SLIT3: variants seen among roughly 807,000 people sequenced by gnomAD.
SLIT3 encodes slit homolog 3 protein.
Under a neutral mutation model 184.0 loss-of-function variants are expected in SLIT3, and 68 were observed. That is an observed-to-expected ratio of 0.37 (90% CI 0.30 to 0.45). SLIT3 has a LOEUF of 0.45. SLIT3 is among the 20% of genes least tolerant of loss of function. SLIT3 has a pLI of 1.00. For missense variants in SLIT3, 1,707 were observed against 2,026.0 expected, an observed-to-expected ratio of 0.84 and a Z score of 3.02; for synonymous variants, 831 against 828.6, an observed-to-expected ratio of 1.00 and a Z score of -0.05.
At chr5:168,864,471 A>G (rs907051303) in intron 5 of SLIT3, among the ~76,000 whole-genome samples, 4 of 152,184 alleles carry the variant, frequency 2.6e-5, no homozygotes, top group African/African-American at 9.7e-5. Flanking sequence ...ATCTCTGGGG[A>G]CTTAAATGAG....
At chr5:169,087,887 T>C (rs1286926419) in intron 4 of SLIT3, among the ~76,000 whole-genome samples, 1 of 152,218 alleles carries the variant, frequency 6.6e-6, no homozygotes. Context: ...AAATAAGTGT[T>C]AGTGAAAGGA....
At chr5:168,909,035 A>T (rs1268515357) in intron 4 of SLIT3, among the ~76,000 whole-genome samples, 2 of 152,164 alleles carry the variant, frequency 1.3e-5, no homozygotes, top group Non-Finnish European at 1.5e-5. Context: ...GGCTTCTTGC[A>T]TTTTCTCCAA....
chr5:168,723,081 T>TA, intron 21 of SLIT3, 77 bp from the exon 22 acceptor site: 1 of 981,488 alleles, frequency 1.0e-6, no homozygotes, highest in Non-Finnish European at 1.6e-6. Context: ...GTATCACACA[T>TA]ACCTGCCATC....
intron 20 of SLIT3, among the ~76,000 whole-genome samples, chr5:168,740,997 C>T (rs1763614741): frequency 6.6e-6 from 1 of 152,172 alleles, no homozygotes. Flanking sequence ...GCAGGAAGCT[C>T]ACTGCACGTG....
chr5:168,756,778 G>C (rs1319389644), intron 16 of SLIT3, among the ~76,000 whole-genome samples: 4 of 152,182 alleles, frequency 2.6e-5, no homozygotes, highest in Admixed American at 6.5e-5. Flanking sequence ...CCAGAGTTGA[G>C]CTTCTTTGTT....
At chr5:168,953,535 C>A (rs1333194285) in intron 4 of SLIT3, among the ~76,000 whole-genome samples, 1 of 152,234 alleles carries the variant, frequency 6.6e-6, no homozygotes, top group African/African-American at 2.4e-5. Flanking sequence ...ACAGCTGGTT[C>A]TCCTCCGTAA....
chr5:168,954,260 A>T (rs73802459), intron 4 of SLIT3, among the ~76,000 whole-genome samples: 5,760 of 152,248 alleles, frequency 0.038, 179 homozygotes, highest in African/African-American at 0.079. Flanking sequence ...GGGCTGGAGG[A>T]GGGGAGCACA....
chr5:168,762,746 G>A, intron 14 of SLIT3, 57 bp from the exon 15 acceptor site: 4 of 1,579,456 alleles, frequency 2.5e-6, no homozygotes, highest in Non-Finnish European at 3.5e-6. Flanking sequence ...CACAGCCCCA[G>A]GTTGTGGGTA....
intron 4 of SLIT3, among the ~76,000 whole-genome samples, chr5:169,039,488 T>C (rs1757376463): frequency 6.6e-6 from 1 of 152,010 alleles, no homozygotes; most frequent in Non-Finnish European, 1.5e-5. Flanking sequence ...GGCTAATTTT[T>C]TGTATTTTTT....
chr5:168,700,229 A>C (rs1464545394), intron 27 of SLIT3, among the ~76,000 whole-genome samples: 1 of 152,196 alleles, frequency 6.6e-6, no homozygotes, highest in Non-Finnish European at 1.5e-5. Flanking sequence ...TCCCTACCCA[A>C]ATCTCACCTT....
intron 3 of SLIT3, among the ~76,000 whole-genome samples, chr5:169,237,259 G>C (rs573878867): frequency 6.6e-6 from 1 of 151,736 alleles, no homozygotes; most frequent in African/African-American, 2.4e-5. Context: ...AAATTTGCAC[G>C]CATTATAGTT....
At position 168,904,135 on chromosome 5, in the gene SLIT3, G is replaced by A. The variant is rs543829747; in HGVS notation, c.414-20799C>T. Among the ~76,000 whole-genome samples, 11 of 152,142 alleles carry A rather than the reference G, an allele frequency of 7.2e-5. No homozygotes were observed. The South Asian group carries it at 1.7e-3, about 23-fold the overall frequency. On this transcript the variant is annotated intron_variant, in intron 4 of 35. Coordinates refer to ENST00000519560, the MANE Select transcript of SLIT3 (RefSeq NM_003062.4). ...CCAGCGCCCTCCTCATTCTCACTCC[G>A]CTCCCAGAAGCTTAGAGATGTGCTG... is the stretch of plus-strand genomic sequence containing the variant.
chr5:168,850,853 A>G (rs1561967600), intron 5 of SLIT3, among the ~76,000 whole-genome samples: 1 of 152,202 alleles, frequency 6.6e-6, no homozygotes, highest in East Asian at 1.9e-4. Flanking sequence ...AACAGCGATG[A>G]TGGATTAGCC....
rs1763552999 is a variant in SLIT3, at chr5:168,739,570, T to C, written c.2270+8732A>G. 3.3e-5 allele frequency among the ~76,000 whole-genome samples: 5 copies of C among 152,044 alleles called. No individual in the cohort carries two copies. The South Asian group carries it at 1.0e-3, about 32-fold the overall frequency. The stretch of plus-strand genomic sequence containing the variant: ...CCCAGCTTCAAGTGATTCTCCTGCC[T>C]CACCCTCCCAAGTAGCTGGGATTAC... On this transcript the variant is annotated intron_variant, in intron 20 of 35. Coordinates refer to ENST00000519560, the MANE Select transcript of SLIT3 (RefSeq NM_003062.4).
At chr5:169,097,962 C>T (rs1044740191) in intron 4 of SLIT3, among the ~76,000 whole-genome samples, 2 of 152,158 alleles carry the variant, frequency 1.3e-5, no homozygotes, top group Non-Finnish European at 2.9e-5. Context: ...GAAGCAGGGG[C>T]TATTCAAAAT....
chr5:169,004,039 T>C (rs1236414678), intron 4 of SLIT3, among the ~76,000 whole-genome samples: 2 of 152,168 alleles, frequency 1.3e-5, no homozygotes, highest in African/African-American at 4.8e-5. Flanking sequence ...AATTATTCCC[T>C]TCCTCTACTC....
chr5:169,131,818 C>A (rs1482233942), intron 4 of SLIT3, among the ~76,000 whole-genome samples: 6 of 152,216 alleles, frequency 3.9e-5, no homozygotes, highest in African/African-American at 1.4e-4. Flanking sequence ...CCTGTACTTC[C>A]CTTGCAGAAC....
intron 4 of SLIT3, among the ~76,000 whole-genome samples, chr5:169,150,591 C>A (rs1021309945): frequency 6.6e-6 from 1 of 151,886 alleles, no homozygotes; most frequent in Non-Finnish European, 1.5e-5. Context: ...AGTAATGGAG[C>A]AGTAATGTCT....
At position 169,189,713 on chromosome 5, in the gene SLIT3, T is replaced by G. The variant is rs575448872; in HGVS notation, c.413+3766A>C. 2.6e-5 allele frequency among the ~76,000 whole-genome samples: 4 copies of G among 151,990 alleles called. No individual in the cohort carries two copies. The South Asian group carries it at 8.3e-4, about 32-fold the overall frequency. On this transcript the variant is annotated intron_variant, in intron 4 of 35. Transcript: ENST00000519560. ...GGTTTACCAAAATGTGAACCAAATG[T>G]GAATCCTGGTTCTGCCGCTAAGTAG... is the stretch of plus-strand genomic sequence containing the variant.
Sources: gnomAD v4.1 joint callset for allele counts (sites outside exome capture counted in the v4.1 genomes callset) on GRCh38, gnomAD v4.1.1 for gene constraint, MANE v1.5 for transcripts, NCBI Gene and HGNC (gene_info 2026-07-23, HGNC 2026-07-21) for gene names.